The following LONP1 variants were observed in gnomAD, a reference collection of about 807,000 sequenced individuals.
LONP1 encodes lon protease homolog, mitochondrial.
Under a neutral mutation model 98.5 loss-of-function variants are expected in LONP1, and 31 were observed. That is an observed-to-expected ratio of 0.31 (90% CI 0.24 to 0.42). The LOEUF (loss-of-function observed/expected upper bound fraction) is 0.42, where lower values mean the gene tolerates loss of function less well. LONP1 is among the 20% of genes least tolerant of loss of function. LONP1 has a pLI of 1.00. For synonymous variants in LONP1, 781 were observed against 594.7 expected (o/e 1.31, Z -4.56); for missense variants, 1,336 against 1,350.6 (o/e 0.99, Z 0.17).
intron 1 of LONP1, among the ~76,000 whole-genome samples, chr19:5,715,290 A>G (rs1480180165): frequency 6.6e-6 from 1 of 151,582 alleles, no homozygotes; most frequent in Non-Finnish European, 1.5e-5. Context: ...CAGAATAAAC[A>G]TAAGTAATTT....
chr19:5,697,144 G>C (rs1320061074), intron 10 of LONP1, among the ~76,000 whole-genome samples: 1 of 152,114 alleles, frequency 6.6e-6, no homozygotes, highest in African/African-American at 2.4e-5. Context: ...CTCTCAGGAG[G>C]GCTTCCTGCA....
At chr19:5,693,228 C>T (rs575056040) in intron 17 of LONP1, 70 bp downstream of exon 17, 53 of 1,527,312 alleles carry the variant, frequency 3.5e-5, no homozygotes, top group Admixed American at 7.4e-5. Context: ...GGTTGCATGG[C>T]GGGGACTGGG....
At chr19:5,695,803 CAG>C (rs952060525) in intron 13 of LONP1, among the ~76,000 whole-genome samples, 5 of 152,222 alleles carry the variant, frequency 3.3e-5, no homozygotes, top group African/African-American at 9.6e-5. Context: ...CCCCGGGAGA[CAG>C]AGTGTGTGGC....
chr19:5,710,210 G>A (rs190869830), intron 4 of LONP1, among the ~76,000 whole-genome samples: 57 of 150,694 alleles, frequency 3.8e-4, no homozygotes, highest in African/African-American at 1.3e-3. Context: ...CAGTAATCCC[G>A]AGTAGCTGGG....
rs1401122763 is a variant in LONP1, at chr19:5,691,942, C to T, written c.*90G>A. On this transcript the variant is annotated 3_prime_UTR_variant, in exon 18 of 18. Coordinates refer to ENST00000360614, the MANE Select transcript of LONP1 (RefSeq NM_004793.4). ...GGACCGAGCTGCTCGCTCGGTGGCT[C>T]CACTGCCAGGTCCGGGCGCGCTCCC... is the stretch of plus-strand genomic sequence containing the variant. 7.3e-6 allele frequency: 7 copies of T among 960,310 alleles called. No individual in the cohort carries two copies. The allele number at this position is 960,310 out of a possible 1,614,324, so 59.5% of individuals were successfully genotyped here. A position where few individuals can be genotyped will look rare whatever the true frequency, so the allele number is the denominator to read the frequency against.
At chr19:5,712,039 G>A (rs762128468) in intron 3 of LONP1, 37 bp from the exon 4 acceptor site, 5 of 1,563,460 alleles carry the variant, frequency 3.2e-6, no homozygotes, top group Non-Finnish European at 3.5e-6. Context: ...ATCAGCCGCT[G>A]AGGCTGGGAG....
chr19:5,708,444 TC>T, intron 4 of LONP1, 41 bp from the exon 5 acceptor site: 1 of 517,954 alleles, frequency 1.9e-6, no homozygotes, highest in Non-Finnish European at 3.7e-6. Flanking sequence ...CCAGCAGTGC[TC>T]CAGCAGGGGG....
upstream of LONP1, chr19:5,720,209 G>C: frequency 2.2e-6 from 3 of 1,384,130 alleles, no homozygotes; most frequent in African/African-American, 1.5e-5. Flanking sequence ...CCCGGCGCGT[G>C]CCTCGGTACC....
chr19:5,716,854 A>G (rs1320119438), intron 1 of LONP1, among the ~76,000 whole-genome samples: 2 of 152,090 alleles, frequency 1.3e-5, no homozygotes, highest in African/African-American at 4.8e-5. Context: ...AGCGCAGTGG[A>G]GCGATCTCAG....
Position 5,719,437 on chromosome 19 carries a change from C to A in LONP1, c.429+267G>T, listed in dbSNP as rs368602248. Among the ~76,000 whole-genome samples, 9 of 152,196 alleles carry A rather than the reference C, an allele frequency of 5.9e-5. No homozygotes were observed. The East Asian group carries it at 1.7e-3, about 29-fold the overall frequency. On this transcript the variant is annotated intron_variant, in intron 1 of 17. Coordinates refer to ENST00000360614, the MANE Select transcript of LONP1 (RefSeq NM_004793.4). Reference sequence around the variant, plus strand: ...TCAGGTCCCTCCCGGCCCCGGATTTCTATGACCGGCGTTCTAAAGTGGATA... The same window carrying A: ...TCAGGTCCCTCCCGGCCCCGGATTTATATGACCGGCGTTCTAAAGTGGATA...
At chr19:5,701,295 ATGCTTCTGCCTC>A (rs1199116094) in intron 8 of LONP1, among the ~76,000 whole-genome samples, 1 of 151,180 alleles carries the variant, frequency 6.6e-6, no homozygotes, top group Admixed American at 6.6e-5. Context: ...AATACAAAAA[ATGCTTCTGCCTC>A]TGCCTCTGCC....
chr19:5,703,815 CT>C (rs2055099927), intron 8 of LONP1, among the ~76,000 whole-genome samples: 2 of 152,120 alleles, frequency 1.3e-5, no homozygotes, highest in Admixed American at 6.6e-5. Context: ...TCCCCCGTGA[CT>C]TCCCAGGACC....
chr19:5,707,668 G>T (rs776950215), intron 6 of LONP1, 29 bp downstream of exon 6: 7 of 1,593,196 alleles, frequency 4.4e-6, no homozygotes, highest in East Asian at 2.3e-5. Flanking sequence ...AGCCAGGCGT[G>T]GGGGGCTGTG....
rs573698675 is a variant in LONP1, at chr19:5,692,167, C to G, written c.2745G>C (p.Glu915Asp). The G allele has an allele frequency of 1.2e-6, 2 of 1,614,102 alleles. No homozygotes were observed. The highest frequency in any genetic ancestry group is 1.3e-5 in the African/African-American group (1 of 75,066). Reference sequence around the variant, plus strand: ...CCAGGTCGTAGAAGTCCTTCTTGTTCTCGGCTGGCAGGACGATGCACGTCA... The same window carrying G: ...CCAGGTCGTAGAAGTCCTTCTTGTTGTCGGCTGGCAGGACGATGCACGTCA... Reference protein sequence around the residue: ...AGVTCIVLPAENKKDFYDLAA... With the variant: ...AGVTCIVLPADNKKDFYDLAA... Residue 915 changes from glutamate (E) to aspartate (D), a missense_variant, in exon 18 of 18, where the codon GAG becomes GAC. Physicochemically the swap from Glu to Asp is conservative, Grantham distance 45 (BLOSUM62 2). Transcript: ENST00000360614.
Position 5,691,858 on chromosome 19 carries a change from A to C in LONP1, c.*174T>G, listed in dbSNP as rs1257241656. ...GTACTGCAAATGACTTTAATCATTA[A>C]ATAGCTTCTATGCCACACTCTGATT... is the stretch of plus-strand genomic sequence containing the variant. On this transcript the variant is annotated 3_prime_UTR_variant, in exon 18 of 18. Coordinates refer to ENST00000360614, the MANE Select transcript of LONP1 (RefSeq NM_004793.4). 2 of 821,732 alleles carry C rather than the reference A, an allele frequency of 2.4e-6. No individual in the cohort carries two copies. The highest frequency in any genetic ancestry group is 3.8e-6 in the Non-Finnish European group (2 of 531,754). The allele number at this position is 821,732 out of a possible 1,614,324, so 50.9% of individuals were successfully genotyped here. A position where few individuals can be genotyped will look rare whatever the true frequency, so the allele number is the denominator to read the frequency against.
rs10421484 is a variant in LONP1, at chr19:5,693,012, T to C, written c.2703+286A>G. On this transcript the variant is annotated intron_variant, in intron 17 of 17. Transcript: ENST00000360614. ...TAATCCTAAACGTCGTCCCCATCTCTAGCCTCTCCCTTGGCGCTGGGCTGC... is the reference window on the plus strand; with the variant it reads ...TAATCCTAAACGTCGTCCCCATCTCCAGCCTCTCCCTTGGCGCTGGGCTGC... Among the ~76,000 whole-genome samples, 2,588 of 152,154 alleles carry C rather than the reference T, an allele frequency of 0.017. 68 individuals carry two copies. The highest frequency in any genetic ancestry group is 0.059 in the African/African-American group (2,429 of 41,504).
chr19:5,708,351 G>C lies in LONP1; in HGVS notation c.923C>G (p.Pro308Arg). The C allele has an allele frequency of 6.4e-7, 1 of 1,555,834 alleles. No homozygotes were observed. Among genetic ancestry groups the C allele is most frequent in the East Asian group, 2.3e-5 (1 of 44,258 alleles). ...CCGCACAGAGGCCCACCTGTAGAGA[G>C]GGTTCAAGGCAATGATGTCCCGGAT... Reference protein sequence around the residue: ...KTIRDIIALNPLYRESVLQMM... With the variant: ...KTIRDIIALNRLYRESVLQMM... The change falls in exon 5 of 18, where the codon CCT (proline) becomes CGT (arginine). Residue 308 changes from proline to arginine, a missense_variant. Around this residue, in one of 5 missense-constraint regions of LONP1, gnomAD observed 97 missense variants for 139.0 expected, o/e 0.70. Coordinates refer to ENST00000360614, the MANE Select transcript of LONP1 (RefSeq NM_004793.4).
At position 5,696,540 on chromosome 19, in the gene LONP1, G is replaced by C. The variant is rs575125397; in HGVS notation, c.1773+130C>G. 617 of 1,273,642 alleles carry C rather than the reference G, an allele frequency of 4.8e-4. 3 individuals carry two copies. In the African/African-American group the frequency reaches 8.3e-3, roughly 17 times the overall value. The allele number at this position is 1,273,642 out of a possible 1,614,324, so 78.9% of individuals were successfully genotyped here. A position where few individuals can be genotyped will look rare whatever the true frequency, so the allele number is the denominator to read the frequency against. The stretch of plus-strand genomic sequence containing the variant: ...GGCTGTGGGTGGGAGGGACCCGTCC[G>C]TGCCATCAGGGCCAGCATCACGGCG... On this transcript the variant is annotated intron_variant, in intron 11 of 17. Coordinates refer to ENST00000360614, the MANE Select transcript of LONP1 (RefSeq NM_004793.4).
chr19:5,707,829 G>C lies in LONP1; in HGVS notation c.933-3C>G. The C allele has an allele frequency of 6.2e-7, 1 of 1,612,668 alleles. No individual in the cohort carries two copies. The highest frequency in any genetic ancestry group is 8.5e-7 in the Non-Finnish European group (1 of 1,179,736). On this transcript the variant is annotated splice_polypyrimidine_tract_variant and splice_region_variant and intron_variant, in intron 5 of 17. Coordinates refer to ENST00000360614, the MANE Select transcript of LONP1 (RefSeq NM_004793.4). ...GCATCATCTGCAGCACTGACTCCCTGGGGGACAAAGGGAGCTGCCTCGGTG... is the reference window on the plus strand; with the variant it reads ...GCATCATCTGCAGCACTGACTCCCTCGGGGACAAAGGGAGCTGCCTCGGTG...
Sources: gnomAD v4.1 joint callset for allele counts (sites outside exome capture counted in the v4.1 genomes callset) on GRCh38, gnomAD v4.1.1 for gene constraint, gnomAD v4.1.1 regional missense constraint, MANE v1.5 for transcripts, NCBI Gene and HGNC (gene_info 2026-07-23, HGNC 2026-07-21) for gene names.